ABI3BP: variants seen among roughly 807,000 people sequenced by gnomAD.
ABI3BP encodes the protein ABI family member 3 binding protein, also known as target of Nesh-SH3.
In ABI3BP, 216 loss-of-function variants were observed where a neutral mutation model predicts 268.6. The observed-to-expected ratio is 0.80, with a 90% CI of 0.72 to 0.90. The LOEUF (loss-of-function observed/expected upper bound fraction) is 0.90. Ranked by LOEUF, ABI3BP falls within the 40% of genes least tolerant of loss-of-function variation. The probability of loss-of-function intolerance (pLI) is 0.00; values close to 1 mark genes in which losing one functional copy is unlikely to be tolerated. For missense variants in ABI3BP, 2,090 were observed against 2,182.4 expected (o/e 0.96, Z 0.84); for synonymous variants, 730 against 730.0 (o/e 1.00, Z 0.00).
intron 1 of ABI3BP, among the ~76,000 whole-genome samples, chr3:100,944,723 A>G (rs2713764): frequency 0.87 from 131,891 of 152,204 alleles, 57,251 homozygotes; most frequent in East Asian, 1. Context: ...TTTGTAATTT[A>G]TTTAGTTCAT....
intron 51 of ABI3BP, among the ~76,000 whole-genome samples, chr3:100,799,204 A>G (rs1264443161): frequency 6.6e-6 from 1 of 152,094 alleles, no homozygotes; most frequent in Non-Finnish European, 1.5e-5. Context: ...AAAACTATAT[A>G]TCTGCCTTGG....
rs182284268 is a variant in ABI3BP, at chr3:100,928,536, T to C, written c.80-2055A>G. Among the ~76,000 whole-genome samples the C allele has an allele frequency of 2.0e-5, 3 of 152,264 alleles. No homozygotes were observed. The East Asian group carries it at 5.8e-4, about 29-fold the overall frequency. ...GATACCAAGTTGTGGGGATTATTCA[T>C]ACCTCAGCAGCTAAGGCTATAGTTT... On this transcript the variant is annotated intron_variant, in intron 1 of 67. Coordinates refer to ENST00000471714, the MANE Select transcript of ABI3BP (RefSeq NM_001375547.2).
intron 1 of ABI3BP, among the ~76,000 whole-genome samples, chr3:100,989,612 T>C (rs985358372): frequency 2.6e-5 from 4 of 152,252 alleles, no homozygotes; most frequent in Non-Finnish European, 4.4e-5. Context: ...ACTTGTATCT[T>C]GGAGGTTCCT....
chr3:100,907,484 C>A (rs2053959220), intron 2 of ABI3BP, among the ~76,000 whole-genome samples: 1 of 151,828 alleles, frequency 6.6e-6, no homozygotes, highest in Admixed American at 6.6e-5. Flanking sequence ...ACAGTGAGAC[C>A]TTGTTTTGGG....
rs72930677 is a variant in ABI3BP, at chr3:100,779,934, T to C, written c.4240+198A>G. On this transcript the variant is annotated intron_variant, in intron 58 of 67. Coordinates refer to ENST00000471714, the MANE Select transcript of ABI3BP (RefSeq NM_001375547.2). ...TCAGAAGTTCCTATTAATACTTAAT[T>C]TGTGCACAGAGCACTTTTAATTCCT... Among the ~76,000 whole-genome samples the C allele has an allele frequency of 7.5e-3, 1,145 of 152,320 alleles. 23 individuals carry two copies. Among genetic ancestry groups the C allele is most frequent in the African/African-American group, 0.026 (1,093 of 41,564 alleles).
In ABI3BP at chr3:100,864,825, A is replaced by G; in HGVS notation, c.1063+8T>C. ...TTTTTTAGAAAAAAAAAAAGTTCTT[A>G]GAATTACCCAGTGTTGTTTCTGAAA... On this transcript the variant is annotated splice_region_variant and intron_variant, in intron 11 of 67. Transcript: ENST00000471714. The G allele has an allele frequency of 6.3e-7, 1 of 1,580,510 alleles. No individual in the cohort carries two copies. The highest frequency in any genetic ancestry group is 8.6e-7 in the Non-Finnish European group (1 of 1,164,096).
intron 2 of ABI3BP, among the ~76,000 whole-genome samples, chr3:100,913,678 G>A (rs2057579899): frequency 1.3e-5 from 2 of 152,088 alleles, no homozygotes; most frequent in African/African-American, 2.4e-5. Context: ...CAATATAATT[G>A]ACTAATATAC....
At chr3:100,959,773 G>A (rs1166845325) in intron 1 of ABI3BP, among the ~76,000 whole-genome samples, 1 of 152,122 alleles carries the variant, frequency 6.6e-6, no homozygotes, top group Non-Finnish European at 1.5e-5. Flanking sequence ...GGCCTGTGGT[G>A]CACTGGGGTA....
intron 2 of ABI3BP, among the ~76,000 whole-genome samples, chr3:100,913,037 G>T (rs956005971): frequency 1.3e-5 from 2 of 152,118 alleles, no homozygotes; most frequent in Non-Finnish European, 2.9e-5. Context: ...GTGGGGAGCT[G>T]GAATGTAAAA....
At chr3:100,827,005 T>G (rs1160375421) in intron 34 of ABI3BP, among the ~76,000 whole-genome samples, 1 of 152,140 alleles carries the variant, frequency 6.6e-6, no homozygotes, top group Non-Finnish European at 1.5e-5. Context: ...TATCCAATTT[T>G]TTTATCTTTG....
intron 6 of ABI3BP, among the ~76,000 whole-genome samples, chr3:100,885,196 T>A (rs982421172): frequency 4.6e-5 from 7 of 152,050 alleles, no homozygotes; most frequent in African/African-American, 1.7e-4. Context: ...GCTGTAGCAA[T>A]GTACATAAAT....
At chr3:100,844,331 C>T (rs1389046483) in intron 20 of ABI3BP, 1 of 985,290 alleles carries the variant, frequency 1.0e-6, no homozygotes, top group Non-Finnish European at 1.2e-6. Flanking sequence ...GGAAACAATT[C>T]CCACTGGACG....
chr3:100,924,260 C>T (rs1429192454), intron 2 of ABI3BP, among the ~76,000 whole-genome samples: 1 of 151,992 alleles, frequency 6.6e-6, no homozygotes, highest in East Asian at 1.9e-4. Flanking sequence ...AGGCATAATC[C>T]AATATATCAT....
chr3:100,966,908 C>T (rs2081522281), intron 1 of ABI3BP, among the ~76,000 whole-genome samples: 1 of 151,324 alleles, frequency 6.6e-6, no homozygotes, highest in South Asian at 2.1e-4. Flanking sequence ...GTTATGTGTG[C>T]AATAAATTTT....
At chr3:100,846,964 C>G (rs114632620) in intron 19 of ABI3BP, among the ~76,000 whole-genome samples, 1,685 of 152,260 alleles carry the variant, frequency 0.011, 31 homozygotes, top group African/African-American at 0.038. Flanking sequence ...ATATTTTTAT[C>G]AGCTTTATAA....
chr3:100,792,148 A>G lies in ABI3BP; in HGVS notation c.4024+543T>C, dbSNP rs115702549. Among the ~76,000 whole-genome samples the G allele has an allele frequency of 3.6e-3, 540 of 152,044 alleles. 5 individuals carry two copies. The highest frequency in any genetic ancestry group is 5.3e-3 in the Non-Finnish European group (357 of 67,858). ...TTGTGTAGGCGAGTTCACTTCCCCA[A>G]AAGCAGAAAATCACAGAGAAGAAAT... On this transcript the variant is annotated intron_variant, in intron 55 of 67. Transcript: ENST00000471714.
intron 14 of ABI3BP, among the ~76,000 whole-genome samples, chr3:100,858,703 G>C (rs2098964820): frequency 6.6e-6 from 1 of 152,188 alleles, no homozygotes; most frequent in Non-Finnish European, 1.5e-5. Context: ...GTACCCACAG[G>C]TAGGCTGTGG....
intron 1 of ABI3BP, among the ~76,000 whole-genome samples, chr3:100,975,301 A>G (rs977433987): frequency 3.3e-5 from 5 of 152,278 alleles, no homozygotes; most frequent in African/African-American, 1.2e-4. Context: ...AAACAAGATA[A>G]CAAAATTGAA....
At chr3:100,952,172 A>G (rs181605888) in intron 1 of ABI3BP, among the ~76,000 whole-genome samples, 1 of 152,282 alleles carries the variant, frequency 6.6e-6, no homozygotes. Context: ...CTTCCAGATC[A>G]ACTCATCTCA....
Sources: gnomAD v4.1 joint callset for allele counts (sites outside exome capture counted in the v4.1 genomes callset) on GRCh38, gnomAD v4.1.1 for gene constraint, MANE v1.5 for transcripts, NCBI Gene and HGNC (gene_info 2026-07-23, HGNC 2026-07-21) for gene names.